UTP20: variants seen among roughly 807,000 people sequenced by gnomAD.
UTP20 encodes the protein UTP20 small subunit processome component.
A neutral mutation model predicts 329.5 loss-of-function variants in UTP20; 164 were observed. That is an observed-to-expected ratio of 0.50 (90% CI 0.44 to 0.57). UTP20 has a LOEUF of 0.57. UTP20 is among the 20% of genes least tolerant of loss of function. The pLI is 0.00. For synonymous variants in UTP20, 1,151 were observed against 1,159.3 expected (o/e 0.99, Z 0.14); for missense variants, 3,055 against 3,284.2 (o/e 0.93, Z 1.71).
At chr12:101,281,938 C>T (rs985761980) in intron 2 of UTP20, among the ~76,000 whole-genome samples, 2 of 152,028 alleles carry the variant, frequency 1.3e-5, no homozygotes, top group African/African-American at 4.8e-5. Context: ...CTCCTGACCT[C>T]GTGATCTGCT....
chr12:101,381,286 C>T (rs1406312422), intron 58 of UTP20, 75 bp downstream of exon 58: 20 of 1,319,420 alleles, frequency 1.5e-5, no homozygotes, highest in Non-Finnish European at 2.1e-5. Flanking sequence ...AATCCCAGCA[C>T]TTTGAGAGGC....
chr12:101,346,818 ATTC>A (rs1369885521), intron 38 of UTP20, among the ~76,000 whole-genome samples: 1 of 152,204 alleles, frequency 6.6e-6, no homozygotes, highest in Non-Finnish European at 1.5e-5. Context: ...AGCGCAAAAT[ATTC>A]TTCCTCCTAG....
At chr12:101,370,070 A>G (rs984741227) in intron 49 of UTP20, among the ~76,000 whole-genome samples, 179 bp downstream of exon 49, 2 of 151,306 alleles carry the variant, frequency 1.3e-5, no homozygotes, top group Non-Finnish European at 2.9e-5. Flanking sequence ...AAAAAAAAAA[A>G]TTAGCTGGGC....
At chr12:101,353,950 C>A (rs987710875) in intron 40 of UTP20, among the ~76,000 whole-genome samples, 2 of 151,906 alleles carry the variant, frequency 1.3e-5, no homozygotes, top group African/African-American at 4.8e-5. Context: ...AGATTTCTAA[C>A]CATTAAAGGA....
At chr12:101,290,068 A>G (rs1872088017) in intron 6 of UTP20, 69 bp from the exon 7 acceptor site, 1 of 1,216,850 alleles carries the variant, frequency 8.2e-7, no homozygotes, top group Non-Finnish European at 1.1e-6. Flanking sequence ...AGAATAGCAA[A>G]TGAGAGTTCT....
At chr12:101,327,331 G>A in intron 26 of UTP20, 84 bp downstream of exon 26, 1 of 1,340,300 alleles carries the variant, frequency 7.5e-7, no homozygotes, top group African/African-American at 1.5e-5. Context: ...CATGCTCCTG[G>A]GCGTCTTTCT....
intron 45 of UTP20, among the ~76,000 whole-genome samples, chr12:101,364,394 A>G (rs554494148): frequency 2.6e-5 from 4 of 152,314 alleles, no homozygotes; most frequent in Admixed American, 1.3e-4. Flanking sequence ...GCACTGCTAC[A>G]TTATCTCTCC....
intron 48 of UTP20, 148 bp from the exon 49 acceptor site, chr12:101,369,573 A>C (rs1004929217): frequency 5.6e-6 from 3 of 535,908 alleles, no homozygotes; most frequent in African/African-American, 5.6e-5. Flanking sequence ...ATCTTCTTAC[A>C]TTTTGGGCAC....
At chr12:101,367,256 A>T (rs904914) in intron 47 of UTP20, among the ~76,000 whole-genome samples, 3,448 of 152,244 alleles carry the variant, frequency 0.023, 139 homozygotes, top group African/African-American at 0.078. Context: ...CTGCACTCCA[A>T]TATGGACAAT....
At position 101,291,681 on chromosome 12, in the gene UTP20, T is replaced by A. The variant is rs1293368891; in HGVS notation, c.892-61T>A. 2.7e-6 allele frequency: 4 copies of A among 1,472,984 alleles called. No individual in the cohort carries two copies. In the African/African-American group the frequency reaches 5.7e-5, roughly 21 times the overall value. 91.2% of individuals were successfully genotyped at this position (1,472,984 alleles called of 1,614,324 possible). On this transcript the variant is annotated intron_variant, in intron 8 of 61. Transcript: ENST00000261637. ...AGTTGAACTGTCCCACAGTTTTTAT[T>A]GTTGGATTAACAGTTGAGTTTGATA...
intron 54 of UTP20, among the ~76,000 whole-genome samples, chr12:101,374,502 C>T (rs1056921592): frequency 2.0e-5 from 3 of 152,086 alleles, no homozygotes; most frequent in Admixed American, 2.0e-4. Flanking sequence ...GTTGCATACC[C>T]ACTTAATGTG....
At chr12:101,340,496 TTA>T in intron 31 of UTP20, 25 bp from the exon 32 acceptor site, 1 of 1,413,112 alleles carries the variant, frequency 7.1e-7, no homozygotes, top group Non-Finnish European at 9.9e-7. Flanking sequence ...TATATGTTCC[TTA>T]TATATCCGTT....
At chr12:101,343,743 C>T (rs1484457971) in intron 35 of UTP20, among the ~76,000 whole-genome samples, 1 of 152,164 alleles carries the variant, frequency 6.6e-6, no homozygotes, top group Non-Finnish European at 1.5e-5. Flanking sequence ...AACTTCTGAC[C>T]TCAGGCGATC....
chr12:101,373,774 G>A lies in UTP20; in HGVS notation c.7131+7G>A, dbSNP rs369449207. ...TTGGTTTGGAGCAAAAAAGGTGTGC[G>A]TTGCTTTTAGTCACAGTTCAGTGAC... On this transcript the variant is annotated splice_region_variant and intron_variant, in intron 54 of 61. Coordinates refer to ENST00000261637, the MANE Select transcript of UTP20 (RefSeq NM_014503.3). The A allele has an allele frequency of 3.6e-5, 58 of 1,607,994 alleles. No individual in the cohort carries two copies. Among genetic ancestry groups the A allele is most frequent in the East Asian group, 4.5e-5 (2 of 44,876 alleles).
intron 23 of UTP20, among the ~76,000 whole-genome samples, chr12:101,320,186 T>C (rs1873103565): frequency 6.6e-6 from 1 of 152,180 alleles, no homozygotes; most frequent in Non-Finnish European, 1.5e-5. Context: ...TTGACTATCA[T>C]TACCTTCATA....
chr12:101,296,665 G>T (rs945926616), intron 12 of UTP20, among the ~76,000 whole-genome samples: 23 of 151,874 alleles, frequency 1.5e-4, no homozygotes, highest in African/African-American at 5.6e-4. Flanking sequence ...GGAGAATGGC[G>T]TGAACCCAGG....
intron 16 of UTP20, 42 bp from the exon 17 acceptor site, chr12:101,306,657 G>A (rs760955955): frequency 6.4e-7 from 1 of 1,556,082 alleles, no homozygotes; most frequent in Non-Finnish European, 8.7e-7. Flanking sequence ...TCTTTTTATG[G>A]TTAAACTTTG....
At chr12:101,282,786 G>C (rs969850980) in intron 2 of UTP20, among the ~76,000 whole-genome samples, 10 of 152,222 alleles carry the variant, frequency 6.6e-5, no homozygotes, top group Non-Finnish European at 1.3e-4. Context: ...CAGTTGTCCA[G>C]TTGTGAGGAT....
At chr12:101,329,147 A>G (rs1868668712) in intron 26 of UTP20, 94 bp from the exon 27 acceptor site, 1 of 1,082,770 alleles carries the variant, frequency 9.2e-7, no homozygotes, top group Admixed American at 2.1e-5. Context: ...AAAATACTGT[A>G]TTATTAAGGG....
Sources: gnomAD v4.1 joint callset for allele counts (sites outside exome capture counted in the v4.1 genomes callset) on GRCh38, gnomAD v4.1.1 for gene constraint, MANE v1.5 for transcripts, NCBI Gene and HGNC (gene_info 2026-07-23, HGNC 2026-07-21) for gene names.